The following FAM193A variants were observed in gnomAD, a reference collection of about 807,000 sequenced individuals.
The protein encoded by FAM193A is family with sequence similarity 193 member A.
Under a neutral mutation model 126.5 loss-of-function variants are expected in FAM193A, and 22 were observed. The ratio of observed to expected loss-of-function variants is 0.17; its 90% CI spans 0.12 to 0.25. The LOEUF is 0.25. Ranked by LOEUF, FAM193A falls within the 10% of genes least tolerant of loss-of-function variation. The pLI is 1.00. For synonymous variants in FAM193A, 761 were observed against 646.8 expected, an observed-to-expected ratio of 1.18 and a Z score of -2.68; for missense variants, 1,675 against 1,672.8, an observed-to-expected ratio of 1.00 and a Z score of -0.02.
intron 20 of FAM193A, 106 bp downstream of exon 20, chr4:2,716,210 A>G (rs1011362157): frequency 6.3e-6 from 5 of 793,642 alleles, no homozygotes; most frequent in African/African-American, 5.1e-5. Flanking sequence ...ACGAAGTTAC[A>G]TCAAGCAAGC....
chr4:2,590,512 A>AC lies in FAM193A; in HGVS notation c.256-5572_256-5571insC, dbSNP rs1312666917. Among the ~76,000 whole-genome samples, 84 of 114,614 alleles carry AC rather than the reference A, an allele frequency of 7.3e-4. 15 individuals are homozygous for AC. Among genetic ancestry groups the AC allele is most frequent in the African/African-American group, 3.9e-3 (81 of 20,524 alleles). 75.2% of individuals were successfully genotyped at this position (114,614 alleles called of 152,430 possible). A position where few individuals can be genotyped will look rare whatever the true frequency, so the allele number is the denominator to read the frequency against. On this transcript the variant is annotated intron_variant, in intron 1 of 20. Transcript: ENST00000637812. ...AAAAAAAAACAAAAAAAAACAAAAAAAAAACAAAACAAAATTAAAAAACAG... is the reference window on the plus strand; with the variant it reads ...AAAAAAAAACAAAAAAAAACAAAAAACAAAACAAAACAAAATTAAAAAACAG...
At chr4:2,700,829 G>A (rs1046161141) in intron 19 of FAM193A, among the ~76,000 whole-genome samples, 4 of 152,084 alleles carry the variant, frequency 2.6e-5, no homozygotes, top group African/African-American at 9.7e-5. Flanking sequence ...AGCTGGGCTT[G>A]GTGGTGCACC....
chr4:2,724,187 C>T (rs114217661), intron 20 of FAM193A, among the ~76,000 whole-genome samples: 3,658 of 152,298 alleles, frequency 0.024, 75 homozygotes, highest in Non-Finnish European at 0.04. Context: ...CATCTAATTT[C>T]AATCAGCTTT....
intron 7 of FAM193A, 124 bp downstream of exon 7, chr4:2,646,956 C>T (rs1020165177): frequency 1.7e-5 from 18 of 1,062,318 alleles, no homozygotes; most frequent in African/African-American, 3.3e-5. Context: ...GGCCCAGAGG[C>T]GCATGTGGGT....
In FAM193A at chr4:2,573,561, A is replaced by G. The variant is rs34574967; in HGVS notation, c.256-22523A>G. ...TGTGTGGATGTGTGTTTTTATTGCCATGTGTGGGACGTGGGTCCTTCTCTG... is the reference window on the plus strand; with the variant it reads ...TGTGTGGATGTGTGTTTTTATTGCCGTGTGTGGGACGTGGGTCCTTCTCTG... On this transcript the variant is annotated intron_variant, in intron 1 of 20. Coordinates refer to ENST00000637812, the MANE Select transcript of FAM193A (RefSeq NM_001366318.2). 8.8e-3 allele frequency among the ~76,000 whole-genome samples: 1,321 copies of G among 150,232 alleles called. 8 individuals carry two copies. Among genetic ancestry groups the G allele is most frequent in the South Asian group, 0.015 (73 of 4,754 alleles).
intron 1 of FAM193A, among the ~76,000 whole-genome samples, chr4:2,548,923 A>C (rs1219402382): frequency 6.6e-6 from 1 of 150,774 alleles, no homozygotes; most frequent in Non-Finnish European, 1.5e-5. Flanking sequence ...TTTTTAGTTT[A>C]CTTTTTTGTT....
Position 2,672,199 on chromosome 4 carries a change from G to C in FAM193A, c.2158G>C (p.Ala720Pro). The C allele has an allele frequency of 1.2e-6, 2 of 1,614,186 alleles. No homozygotes were observed. The highest frequency in any genetic ancestry group is 1.7e-6 in the Non-Finnish European group (2 of 1,180,034). The part of the protein sequence containing the change: ...ASGLTPSAMT[A>P]GALPPGHQFL... The stretch of plus-strand genomic sequence containing the variant: ...TGGACTGACACCATCTGCAATGACA[G>C]CCGGAGCCCTTCCTCCTGGCCATCA... Residue 720 changes from alanine to proline, a missense_variant, in exon 13 of 21, where the codon GCC becomes CCC. Transcript: ENST00000637812.
intron 1 of FAM193A, among the ~76,000 whole-genome samples, chr4:2,574,519 C>T (rs578156379): frequency 3.1e-4 from 47 of 152,256 alleles, no homozygotes; most frequent in Admixed American, 2.6e-3. Context: ...ACCCCTAAAT[C>T]CAACTTCTGG....
intron 1 of FAM193A, among the ~76,000 whole-genome samples, chr4:2,590,475 AC>A (rs71765610): frequency 0.13 from 10,332 of 80,808 alleles, 2,508 homozygotes; most frequent in African/African-American, 0.37. Context: ...AAAAAAAAAA[AC>A]AAAAAAAAAC....
At chr4:2,538,986 G>A (rs1026940735) in intron 1 of FAM193A, among the ~76,000 whole-genome samples, 1 of 152,036 alleles carries the variant, frequency 6.6e-6, no homozygotes, top group Non-Finnish European at 1.5e-5. Context: ...TGTCTCCCGG[G>A]TTCAAGCGAT....
intron 1 of FAM193A, among the ~76,000 whole-genome samples, chr4:2,573,052 C>T (rs890746061): frequency 1.4e-4 from 22 of 152,020 alleles, no homozygotes; most frequent in African/African-American, 5.3e-4. Context: ...TATTTTGGGT[C>T]TCATGCTCTT....
intron 2 of FAM193A, among the ~76,000 whole-genome samples, chr4:2,596,541 A>G (rs1740874934): frequency 6.6e-6 from 1 of 152,236 alleles, no homozygotes; most frequent in Non-Finnish European, 1.5e-5. Context: ...TTGTCTGGGC[A>G]CAATTCAGTC....
chr4:2,714,277 G>T (rs1235644413), intron 19 of FAM193A, among the ~76,000 whole-genome samples: 2 of 152,056 alleles, frequency 1.3e-5, no homozygotes, highest in South Asian at 2.1e-4. Context: ...TAAAAATCGA[G>T]ACTCAGAATG....
intron 1 of FAM193A, among the ~76,000 whole-genome samples, chr4:2,561,029 G>A (rs1738580227): frequency 6.6e-6 from 1 of 152,214 alleles, no homozygotes; most frequent in African/African-American, 2.4e-5. Context: ...ATGGCACCAT[G>A]CCATTGTAGT....
intron 1 of FAM193A, among the ~76,000 whole-genome samples, chr4:2,587,469 G>C (rs1560462465): frequency 6.6e-6 from 1 of 152,172 alleles, no homozygotes; most frequent in Non-Finnish European, 1.5e-5. Flanking sequence ...GAGGTGAAAG[G>C]ATCGCTTGAG....
intron 19 of FAM193A, among the ~76,000 whole-genome samples, chr4:2,707,412 A>G (rs1396509547): frequency 6.6e-6 from 1 of 152,132 alleles, no homozygotes; most frequent in Admixed American, 6.5e-5. Context: ...ACTATCCAAT[A>G]CAGTAGCCAT....
At chr4:2,547,374 C>T (rs1167870791) in intron 1 of FAM193A, among the ~76,000 whole-genome samples, 1 of 151,980 alleles carries the variant, frequency 6.6e-6, no homozygotes, top group Non-Finnish European at 1.5e-5. Flanking sequence ...GCCTGGGCAA[C>T]AAGAGCGAGA....
intron 1 of FAM193A, among the ~76,000 whole-genome samples, chr4:2,583,574 C>G (rs1420593497): frequency 6.6e-6 from 1 of 152,150 alleles, no homozygotes; most frequent in African/African-American, 2.4e-5. Flanking sequence ...TCTTTCAGAT[C>G]TTTTCAGTGA....
At chr4:2,595,968 ATGTT>A (rs1740835342) in intron 1 of FAM193A, 112 bp from the exon 2 acceptor site, 1 of 591,760 alleles carries the variant, frequency 1.7e-6, no homozygotes, top group African/African-American at 1.9e-5. Context: ...TTCCTATTTT[ATGTT>A]TCTGTATATA....
Sources: allele counts gnomAD v4.1 joint callset (sites outside exome capture counted in the v4.1 genomes callset), GRCh38; gene constraint gnomAD v4.1.1; transcripts MANE v1.5; gene names NCBI Gene and HGNC (gene_info 2026-07-23, HGNC 2026-07-21).